The following CUX2 variants were observed in gnomAD, a reference collection of about 807,000 sequenced individuals.
CUX2 encodes the protein cut like homeobox 2, also known as homeobox protein cut-like 2.
CUX2 carries 40 observed loss-of-function variants against 144.8 expected under a neutral mutation model. The observed-to-expected ratio is 0.28, with a 90% CI of 0.21 to 0.36. CUX2 has a LOEUF of 0.36. Among genes scored for constraint, CUX2 ranks in the 10% least tolerant of loss-of-function variants. The pLI is 1.00. For missense variants in CUX2, 1,615 were observed against 1,994.0 expected (o/e 0.81, Z 3.62); for synonymous variants, 827 against 875.6 (o/e 0.94, Z 0.98).
chr12:111,099,001 C>T (rs1414533694), intron 1 of CUX2, among the ~76,000 whole-genome samples: 2 of 152,176 alleles, frequency 1.3e-5, no homozygotes, highest in Non-Finnish European at 2.9e-5. Context: ...GAGTAGGAGC[C>T]GGGAGGCCTC....
intron 3 of CUX2, among the ~76,000 whole-genome samples, chr12:111,260,540 T>TA (rs1354984003): frequency 2.6e-5 from 4 of 152,216 alleles, no homozygotes; most frequent in Non-Finnish European, 5.9e-5. Context: ...ATTTTACACT[T>TA]ACAACCCATC....
intron 1 of CUX2, among the ~76,000 whole-genome samples, chr12:111,074,383 G>A (rs1020560798): frequency 6.6e-6 from 1 of 152,074 alleles, no homozygotes; most frequent in Non-Finnish European, 1.5e-5. Context: ...AAACACCTGA[G>A]TAGAGTAAAT....
At position 111,068,384 on chromosome 12, in the gene CUX2, C is replaced by T. The variant is rs781368955; in HGVS notation, c.63+34144C>T. On this transcript the variant is annotated intron_variant, in intron 1 of 21. Coordinates refer to ENST00000261726, the MANE Select transcript of CUX2 (RefSeq NM_015267.4). The surrounding 1 kb of genome is among the most constrained non-coding windows in gnomAD (Gnocchi z 4.9). Reference sequence around the variant, plus strand: ...GGATGAATGACATCTGTATGAAAAGCCAGCCAGCCGGCCGATTTCTGTCCT... The same window carrying T: ...GGATGAATGACATCTGTATGAAAAGTCAGCCAGCCGGCCGATTTCTGTCCT... 2.0e-5 allele frequency among the ~76,000 whole-genome samples: 3 copies of T among 152,210 alleles called. No individual in the cohort carries two copies. Among genetic ancestry groups the T allele is most frequent in the Non-Finnish European group, 4.4e-5 (3 of 68,030 alleles).
At chr12:111,335,308 G>A (rs1282881151) in intron 19 of CUX2, among the ~76,000 whole-genome samples, 7 of 152,002 alleles carry the variant, frequency 4.6e-5, no homozygotes, top group African/African-American at 1.7e-4. Flanking sequence ...CAGGAGAATC[G>A]CTTGAACCTG....
At chr12:111,221,617 T>C (rs1185574286) in intron 3 of CUX2, among the ~76,000 whole-genome samples, 1 of 152,184 alleles carries the variant, frequency 6.6e-6, no homozygotes, top group African/African-American at 2.4e-5. Flanking sequence ...GGCCTTTCCT[T>C]GAAATATACC....
intron 1 of CUX2, among the ~76,000 whole-genome samples, chr12:111,204,364 A>G (rs1272485574): frequency 2.0e-5 from 3 of 152,160 alleles, no homozygotes; most frequent in Non-Finnish European, 2.9e-5. Flanking sequence ...CACATGCTCC[A>G]TGTGCGCAGG....
intron 1 of CUX2, among the ~76,000 whole-genome samples, chr12:111,108,742 AC>A (rs1873761402): frequency 7.8e-6 from 1 of 127,448 alleles, no homozygotes; most frequent in Admixed American, 9.3e-5. Flanking sequence ...CCTCTCCTTC[AC>A]TTTCTCTTTC....
chr12:111,115,521 G>T (rs1157219349), intron 1 of CUX2, among the ~76,000 whole-genome samples: 1 of 151,910 alleles, frequency 6.6e-6, no homozygotes, highest in Non-Finnish European at 1.5e-5. Context: ...TCCTGACCTC[G>T]TCATCTGCCC....
chr12:111,165,040 C>G (rs1221149506), intron 1 of CUX2, among the ~76,000 whole-genome samples: 2 of 152,168 alleles, frequency 1.3e-5, no homozygotes, highest in Non-Finnish European at 2.9e-5. Context: ...ACTGCTGGAT[C>G]CAGCCATACC....
At chr12:111,144,213 AG>A (rs1388157845) in intron 1 of CUX2, among the ~76,000 whole-genome samples, 1 of 152,224 alleles carries the variant, frequency 6.6e-6, no homozygotes, top group Non-Finnish European at 1.5e-5. Flanking sequence ...GGGACACAGA[AG>A]GTGCTTAATT....
chr12:111,320,064 C>T lies in CUX2; in HGVS notation c.2055C>T (p.Pro685=). 4 of 1,551,640 alleles carry T rather than the reference C, an allele frequency of 2.6e-6. No homozygotes were observed. Among genetic ancestry groups the T allele is most frequent in the African/African-American group, 1.4e-5 (1 of 73,384 alleles). Reference sequence around the variant, plus strand: ...TGAGCATCGCCAACGGCACGACCCCCGCCAGCACCTCGGAGGACGCCATCA... The same window carrying T: ...TGAGCATCGCCAACGGCACGACCCCTGCCAGCACCTCGGAGGACGCCATCA... ...APLSIANGTT[P]ASTSEDAIKS... The change falls in exon 17 of 22, where the codon CCC becomes CCT. Residue 685 remains proline (P), a synonymous_variant. Coordinates refer to ENST00000261726, the MANE Select transcript of CUX2 (RefSeq NM_015267.4). This position sits in a 1 kb window ranked among gnomAD's most constrained non-coding sequence, Gnocchi z 8.1.
intron 1 of CUX2, among the ~76,000 whole-genome samples, chr12:111,176,459 C>T (rs1878862526): frequency 6.6e-6 from 1 of 152,144 alleles, no homozygotes; most frequent in Admixed American, 6.5e-5. Flanking sequence ...CCTCTTGAAG[C>T]CTCAGTTTCC....
At chr12:111,221,591 C>T (rs1881862062) in intron 3 of CUX2, among the ~76,000 whole-genome samples, 1 of 152,100 alleles carries the variant, frequency 6.6e-6, no homozygotes, top group Non-Finnish European at 1.5e-5. Context: ...GCCCGTCATT[C>T]CTTCTTCCCA....
chr12:111,345,735 C>CAA (rs762939855), intron 21 of CUX2, among the ~76,000 whole-genome samples: 8 of 51,178 alleles, frequency 1.6e-4, no homozygotes, highest in Non-Finnish European at 2.9e-4. Flanking sequence ...GACTCCGTCT[C>CAA]AAAAAAAAAA....
rs1555204354 is a variant in CUX2 at position 111,214,189 on chromosome 12, T to TTTA, written c.64-11_64-10insTTA. On this transcript the variant is annotated splice_polypyrimidine_tract_variant and intron_variant, in intron 1 of 21. Coordinates refer to ENST00000261726, the MANE Select transcript of CUX2 (RefSeq NM_015267.4). Reference sequence around the variant, plus strand: ...TCTCTCTCTCTTTTTTTTTTTTTTTTATTGTTCCAGAAGGAGCTTAATTCC... The same window carrying TTTA: ...TCTCTCTCTCTTTTTTTTTTTTTTTTTTAATTGTTCCAGAAGGAGCTTAATTCC... The TTTA allele has an allele frequency of 2.9e-5, 41 of 1,399,252 alleles. No homozygotes were observed. Among genetic ancestry groups the TTTA allele is most frequent in the African/African-American group, 7.5e-5 (5 of 66,492 alleles). 86.7% of individuals were successfully genotyped at this position (1,399,252 alleles called of 1,614,324 possible). A position where few individuals can be genotyped will look rare whatever the true frequency, so the allele number is the denominator to read the frequency against.
chr12:111,148,232 G>A (rs1023168812), intron 1 of CUX2, among the ~76,000 whole-genome samples: 2 of 152,140 alleles, frequency 1.3e-5, no homozygotes, highest in African/African-American at 2.4e-5. Flanking sequence ...GGCACAACAC[G>A]GATGAACCTT....
At chr12:111,232,364 C>T (rs1457159198) in intron 3 of CUX2, among the ~76,000 whole-genome samples, 2 of 151,076 alleles carry the variant, frequency 1.3e-5, no homozygotes, top group Admixed American at 6.6e-5. Context: ...ATTAGCTGGG[C>T]GTGGTGGTGC....
chr12:111,182,707 C>T (rs967488257), intron 1 of CUX2, among the ~76,000 whole-genome samples: 1 of 152,184 alleles, frequency 6.6e-6, no homozygotes, highest in African/African-American at 2.4e-5. Flanking sequence ...TGGGGTCAGA[C>T]GAGCGGGTCC....
chr12:111,190,838 G>A lies in CUX2; in HGVS notation c.64-23362G>A, dbSNP rs972435315. Among the ~76,000 whole-genome samples, 9 of 152,254 alleles carry A rather than the reference G, an allele frequency of 5.9e-5. No homozygotes were observed. The East Asian group carries it at 7.7e-4, about 13-fold the overall frequency. ...ATGCCCCGGCTTTTAATCTGTGTGC[G>A]TTGACTCCTGCCATGAAACTGACAC... On this transcript the variant is annotated intron_variant, in intron 1 of 21. Transcript: ENST00000261726. The surrounding 1 kb of genome is among the most constrained non-coding windows in gnomAD (Gnocchi z 4.0).
Sources: gnomAD v4.1 joint callset for allele counts (sites outside exome capture counted in the v4.1 genomes callset) on GRCh38, gnomAD v4.1.1 for gene constraint, Gnocchi (gnomAD v3.1) non-coding constraint, MANE v1.5 for transcripts, NCBI Gene and HGNC (gene_info 2026-07-23, HGNC 2026-07-21) for gene names.